RNGTT: variants seen among roughly 807,000 people sequenced by gnomAD.
The protein encoded by RNGTT is mRNA-capping enzyme.
A neutral mutation model predicts 79.3 loss-of-function variants in RNGTT; 33 were observed. The ratio of observed to expected loss-of-function variants is 0.42; its 90% confidence interval spans 0.32 to 0.56. RNGTT has a LOEUF of 0.56. RNGTT is among the 20% of genes least tolerant of loss of function. RNGTT has a pLI of 0.17. For missense variants in RNGTT, 497 were observed against 739.1 expected, an observed-to-expected ratio of 0.67 and a Z score of 3.80; for synonymous variants, 222 against 235.9, an observed-to-expected ratio of 0.94 and a Z score of 0.54.
At chr6:88,736,711 C>T (rs1295852512) in intron 13 of RNGTT, among the ~76,000 whole-genome samples, 1 of 152,172 alleles carries the variant, frequency 6.6e-6, no homozygotes, top group African/African-American at 2.4e-5. Context: ...GCCTGTACTA[C>T]CACTCAGTAA....
intron 4 of RNGTT, among the ~76,000 whole-genome samples, chr6:88,925,830 G>A (rs996054004): frequency 5.3e-5 from 8 of 152,156 alleles, no homozygotes; most frequent in Middle Eastern, 3.4e-3. Context: ...CTATAATCAT[G>A]CCTATAAATA....
intron 14 of RNGTT, among the ~76,000 whole-genome samples, chr6:88,674,698 ACT>A (rs767174560): frequency 2.6e-5 from 4 of 152,156 alleles, no homozygotes; most frequent in Non-Finnish European, 5.9e-5. Flanking sequence ...TTAACTCACA[ACT>A]CTCAAACGGA....
intron 13 of RNGTT, among the ~76,000 whole-genome samples, chr6:88,685,554 G>A (rs1775245284): frequency 1.3e-5 from 2 of 150,378 alleles, no homozygotes; most frequent in Admixed American, 6.7e-5. Context: ...AGGATGAGGA[G>A]GGAAAAGGAG....
intron 14 of RNGTT, among the ~76,000 whole-genome samples, chr6:88,648,184 A>G (rs1449088333): frequency 6.6e-6 from 1 of 152,166 alleles, no homozygotes; most frequent in African/African-American, 2.4e-5. Flanking sequence ...ACAGGTAGTA[A>G]GACTGTAAGA....
chr6:88,945,218 G>A (rs532040984), intron 1 of RNGTT, among the ~76,000 whole-genome samples: 1 of 151,292 alleles, frequency 6.6e-6, no homozygotes, highest in South Asian at 2.1e-4. Flanking sequence ...TCTTAGACAG[G>A]TCTCAGAGCC....
chr6:88,759,966 A>G (rs553410395), intron 13 of RNGTT, among the ~76,000 whole-genome samples: 2 of 152,364 alleles, frequency 1.3e-5, no homozygotes, highest in African/African-American at 4.8e-5. Context: ...GGTAACTTAG[A>G]GAAATTGCAA....
intron 13 of RNGTT, among the ~76,000 whole-genome samples, chr6:88,756,224 C>T (rs1369996375): frequency 6.6e-6 from 1 of 151,864 alleles, no homozygotes; most frequent in African/African-American, 2.4e-5. Flanking sequence ...TCTGTAATCC[C>T]AGCACTTTAG....
At chr6:88,862,494 A>C (rs888455261) in intron 8 of RNGTT, among the ~76,000 whole-genome samples, 1 of 152,190 alleles carries the variant, frequency 6.6e-6, no homozygotes, top group African/African-American at 2.4e-5. Context: ...GCATCTCTTC[A>C]TCTGTATTCC....
At chr6:88,956,289 A>C (rs936603350) in intron 1 of RNGTT, among the ~76,000 whole-genome samples, 1 of 152,004 alleles carries the variant, frequency 6.6e-6, no homozygotes, top group Non-Finnish European at 1.5e-5. Context: ...ACCCTCCTAG[A>C]TTAAATCAGG....
At chr6:88,941,646 C>T (rs1306230607) in intron 1 of RNGTT, among the ~76,000 whole-genome samples, 1 of 149,998 alleles carries the variant, frequency 6.7e-6, no homozygotes, top group Non-Finnish European at 1.5e-5. Context: ...CTATACTTTT[C>T]AAAGATACTA....
At chr6:88,918,616 G>C (rs1002142096) in intron 4 of RNGTT, among the ~76,000 whole-genome samples, 6 of 152,028 alleles carry the variant, frequency 3.9e-5, no homozygotes, top group African/African-American at 9.7e-5. Context: ...AAAAAACAAA[G>C]AGATCAGCCT....
chr6:88,950,534 T>C lies in RNGTT; in HGVS notation c.65-9354A>G, dbSNP rs114676250. Among the ~76,000 whole-genome samples the C allele has an allele frequency of 2.3e-3, 350 of 152,334 alleles. 1 individual carries two copies. The highest frequency in any genetic ancestry group is 8.0e-3 in the African/African-American group (332 of 41,572). On this transcript the variant is annotated intron_variant, in intron 1 of 15. Transcript: ENST00000369485. ...TGCCATTAAGAATATTCATGATTCATAGGAGAAAGTCAAAATATCAACAGA... is the reference window on the plus strand; with the variant it reads ...TGCCATTAAGAATATTCATGATTCACAGGAGAAAGTCAAAATATCAACAGA...
intron 11 of RNGTT, among the ~76,000 whole-genome samples, chr6:88,842,828 T>C (rs1035129074): frequency 6.6e-6 from 1 of 152,048 alleles, no homozygotes; most frequent in Non-Finnish European, 1.5e-5. Context: ...TCCCAGCACT[T>C]TGGGAGGCTA....
chr6:88,646,847 G>A (rs1773582487), intron 14 of RNGTT, among the ~76,000 whole-genome samples: 1 of 151,936 alleles, frequency 6.6e-6, no homozygotes, highest in South Asian at 2.1e-4. Context: ...CTGTTGTGGG[G>A]TGGGGGGAGT....
chr6:88,913,224 A>C (rs1282971076), intron 4 of RNGTT, among the ~76,000 whole-genome samples: 1 of 145,432 alleles, frequency 6.9e-6, no homozygotes, highest in East Asian at 1.9e-4. Flanking sequence ...CAAAAAAAAA[A>C]AACAAAAAAA....
At chr6:88,686,396 CAG>C (rs1775278861) in intron 13 of RNGTT, among the ~76,000 whole-genome samples, 1 of 151,888 alleles carries the variant, frequency 6.6e-6, no homozygotes, top group Non-Finnish European at 1.5e-5. Flanking sequence ...AAACTCCTGA[CAG>C]AATTTGTATG....
chr6:88,771,350 T>TATACACAC (rs376503141), intron 12 of RNGTT, among the ~76,000 whole-genome samples: 16 of 116,252 alleles, frequency 1.4e-4, no homozygotes, highest in African/African-American at 6.2e-4. Flanking sequence ...TATATATATA[T>TATACACAC]ACACACACAC....
chr6:88,900,983 A>G (rs1326337234), intron 6 of RNGTT, among the ~76,000 whole-genome samples: 1 of 151,822 alleles, frequency 6.6e-6, no homozygotes, highest in Non-Finnish European at 1.5e-5. Flanking sequence ...CTCTACTAAA[A>G]ATACAAAAAT....
chr6:88,870,492 C>A (rs1377037032), intron 8 of RNGTT, among the ~76,000 whole-genome samples: 1 of 150,078 alleles, frequency 6.7e-6, no homozygotes, highest in Non-Finnish European at 1.5e-5. Flanking sequence ...GACTCCTTTG[C>A]TCCCAACACA....
Sources: gnomAD v4.1 joint callset for allele counts (sites outside exome capture counted in the v4.1 genomes callset) on GRCh38, gnomAD v4.1.1 for gene constraint, MANE v1.5 for transcripts, NCBI Gene and HGNC (gene_info 2026-07-23, HGNC 2026-07-21) for gene names.